The following PPP3CA variants were observed in gnomAD, a reference collection of about 807,000 sequenced individuals.
PPP3CA encodes protein phosphatase 3 catalytic subunit alpha.
PPP3CA carries 14 observed loss-of-function variants against 66.5 expected under a neutral mutation model. The observed-to-expected ratio is 0.21, with a 90% confidence interval of 0.14 to 0.33. The LOEUF is 0.33. Among genes scored for constraint, PPP3CA ranks in the 10% least tolerant of loss-of-function variants. The probability of loss-of-function intolerance (pLI) is 1.00; values close to 1 mark genes in which losing one functional copy is unlikely to be tolerated. For synonymous variants in PPP3CA, 232 were observed against 226.2 expected (o/e 1.03, Z -0.23); for missense variants, 317 against 639.5 (o/e 0.50, Z 5.44).
At chr4:101,130,993 G>A (rs1036600950) in intron 2 of PPP3CA, among the ~76,000 whole-genome samples, 3 of 152,126 alleles carry the variant, frequency 2.0e-5, no homozygotes, top group South Asian at 2.1e-4. Context: ...TTGGGAGGCC[G>A]AGGTGGGCAG....
chr4:101,040,446 C>G (rs763995957), intron 11 of PPP3CA, 36 bp downstream of exon 11: 1 of 1,460,780 alleles, frequency 6.8e-7, no homozygotes, highest in Non-Finnish European at 9.3e-7. Flanking sequence ...ACACATAATA[C>G]AATTTGAAAC....
At chr4:101,258,404 T>G (rs968772295) in intron 1 of PPP3CA, among the ~76,000 whole-genome samples, 5 of 152,070 alleles carry the variant, frequency 3.3e-5, no homozygotes, top group African/African-American at 9.7e-5. Context: ...AGCTGCACTG[T>G]CCACACCTGA....
chr4:101,206,074 C>A (rs756744602), intron 1 of PPP3CA, among the ~76,000 whole-genome samples: 11 of 152,198 alleles, frequency 7.2e-5, no homozygotes, highest in South Asian at 4.1e-4. Flanking sequence ...GGTCTTTCCA[C>A]GTTTCAGTAA....
intron 8 of PPP3CA, among the ~76,000 whole-genome samples, chr4:101,068,271 C>T (rs1728766367): frequency 6.6e-6 from 1 of 152,016 alleles, no homozygotes; most frequent in African/African-American, 2.4e-5. Context: ...CATAATAGAC[C>T]CAGGATGTTT....
intron 1 of PPP3CA, among the ~76,000 whole-genome samples, chr4:101,198,754 G>C (rs1724878049): frequency 6.6e-6 from 1 of 152,078 alleles, no homozygotes; most frequent in Non-Finnish European, 1.5e-5. Flanking sequence ...CTCCATCCAA[G>C]GCCAAGATCA....
At chr4:101,315,300 T>C (rs1386474436) in intron 1 of PPP3CA, among the ~76,000 whole-genome samples, 1 of 152,232 alleles carries the variant, frequency 6.6e-6, no homozygotes, top group Non-Finnish European at 1.5e-5. Flanking sequence ...TAAACTGTTG[T>C]TGTTTATAAA....
intron 2 of PPP3CA, among the ~76,000 whole-genome samples, chr4:101,174,610 A>C (rs1723995902): frequency 6.6e-6 from 1 of 152,190 alleles, no homozygotes; most frequent in South Asian, 2.1e-4. Context: ...AAAATTATAC[A>C]TATTGTAAAG....
At position 101,336,067 on chromosome 4, in the gene PPP3CA, T is replaced by C. The variant is rs550381242; in HGVS notation, c.58+10672A>G. On this transcript the variant is annotated intron_variant, in intron 1 of 13. Transcript: ENST00000394854. Reference sequence around the variant, plus strand: ...TAAAAATACACACACACACAAAAATTAGCCAGGCATGGTGGCAAATGCCTG... The same window carrying C: ...TAAAAATACACACACACACAAAAATCAGCCAGGCATGGTGGCAAATGCCTG... Among the ~76,000 whole-genome samples, 77 of 151,180 alleles carry C rather than the reference T, an allele frequency of 5.1e-4. 2 individuals are homozygous for C. In the South Asian group the frequency reaches 0.016, roughly 30 times the overall value.
intron 11 of PPP3CA, among the ~76,000 whole-genome samples, chr4:101,037,790 A>G (rs948864060): frequency 2.0e-5 from 3 of 152,148 alleles, no homozygotes; most frequent in Admixed American, 6.5e-5. Flanking sequence ...TATTCAAAAC[A>G]CTCAAGGATA....
chr4:101,187,160 C>A (rs1724438571), intron 2 of PPP3CA, among the ~76,000 whole-genome samples: 1 of 152,288 alleles, frequency 6.6e-6, no homozygotes. Context: ...AAAGTTACTG[C>A]TGCACTGTCA....
chr4:101,294,566 CTAATA>C (rs1254663136), intron 1 of PPP3CA, among the ~76,000 whole-genome samples: 25 of 152,014 alleles, frequency 1.6e-4, no homozygotes, highest in African/African-American at 5.3e-4. Context: ...ATATTTGTCT[CTAATA>C]TTAGTATATT....
intron 2 of PPP3CA, among the ~76,000 whole-genome samples, chr4:101,117,382 T>C (rs1721871722): frequency 6.6e-6 from 1 of 151,782 alleles, no homozygotes. Flanking sequence ...CAATAAAAAG[T>C]AAATTAATGC....
Position 101,286,853 on chromosome 4 carries a change from G to T in PPP3CA, c.58+59886C>A, listed in dbSNP as rs1252294847. Reference sequence around the variant, plus strand: ...TCCTTTATCAAGGTCTGAGTAAGTGGGTCAGCTGTCACCTGTGACAGAGTT... The same window carrying T: ...TCCTTTATCAAGGTCTGAGTAAGTGTGTCAGCTGTCACCTGTGACAGAGTT... On this transcript the variant is annotated intron_variant, in intron 1 of 13. Coordinates refer to ENST00000394854, the MANE Select transcript of PPP3CA (RefSeq NM_000944.5). 2.6e-5 allele frequency among the ~76,000 whole-genome samples: 4 copies of T among 152,130 alleles called. No individual in the cohort carries two copies. The East Asian group carries it at 7.7e-4, about 29-fold the overall frequency.
intron 2 of PPP3CA, among the ~76,000 whole-genome samples, chr4:101,176,992 T>C (rs188667777): frequency 1.3e-5 from 2 of 152,260 alleles, no homozygotes; most frequent in East Asian, 1.9e-4. Flanking sequence ...TATAAAAGCA[T>C]GCATATTTAA....
chr4:101,038,770 T>C (rs1327844082), intron 11 of PPP3CA, among the ~76,000 whole-genome samples: 1 of 152,176 alleles, frequency 6.6e-6, no homozygotes, highest in African/African-American at 2.4e-5. Context: ...TGCTCAATCA[T>C]TATTTACTAA....
intron 2 of PPP3CA, among the ~76,000 whole-genome samples, chr4:101,173,465 C>A (rs1723951754): frequency 6.6e-6 from 1 of 151,950 alleles, no homozygotes; most frequent in African/African-American, 2.4e-5. Context: ...CCAGCCCTAG[C>A]AATTGACATT....
At chr4:101,033,964 C>G (rs892757659) in intron 11 of PPP3CA, among the ~76,000 whole-genome samples, 2 of 152,160 alleles carry the variant, frequency 1.3e-5, no homozygotes, top group Admixed American at 1.3e-4. Flanking sequence ...CTGCTCCATC[C>G]GAGTCACACT....
At chr4:101,265,778 C>T (rs1727150719) in intron 1 of PPP3CA, among the ~76,000 whole-genome samples, 1 of 152,092 alleles carries the variant, frequency 6.6e-6, no homozygotes, top group African/African-American at 2.4e-5. Flanking sequence ...TACCCTGATC[C>T]CAAAATAACA....
At chr4:101,208,938 T>C (rs1411015844) in intron 1 of PPP3CA, among the ~76,000 whole-genome samples, 2 of 152,172 alleles carry the variant, frequency 1.3e-5, no homozygotes, top group Non-Finnish European at 2.9e-5. Context: ...ATTCATTACA[T>C]ATCGGAGGAA....
Sources: allele counts gnomAD v4.1 joint callset (sites outside exome capture counted in the v4.1 genomes callset), GRCh38; gene constraint gnomAD v4.1.1; transcripts MANE v1.5; gene names NCBI Gene and HGNC (gene_info 2026-07-23, HGNC 2026-07-21).